DOCK3: variants seen among roughly 807,000 people sequenced by gnomAD.
The protein encoded by DOCK3 is dedicator of cytokinesis protein 3.
Under a neutral mutation model 265.6 loss-of-function variants are expected in DOCK3, and 60 were observed. The ratio of observed to expected loss-of-function variants is 0.23; its 90% confidence interval spans 0.18 to 0.28. The LOEUF is 0.28. DOCK3 is among the 10% of genes least tolerant of loss of function. DOCK3 has a pLI of 1.00. For missense variants in DOCK3, 1,981 were observed against 2,594.3 expected (o/e 0.76, Z 5.14); for synonymous variants, 881 against 938.0 (o/e 0.94, Z 1.11).
intron 3 of DOCK3, among the ~76,000 whole-genome samples, chr3:50,881,964 C>T (rs539537569): frequency 5.9e-5 from 9 of 152,200 alleles, no homozygotes; most frequent in Admixed American, 3.3e-4. Context: ...TAATACCACA[C>T]GTCTACAACC....
chr3:50,961,578 A>G (rs983098281), intron 5 of DOCK3, among the ~76,000 whole-genome samples: 3 of 152,228 alleles, frequency 2.0e-5, no homozygotes, highest in Admixed American at 1.3e-4. Context: ...TATTGGACTT[A>G]TTCCAGGAAC....
chr3:50,813,712 G>A (rs1402736006), intron 2 of DOCK3, among the ~76,000 whole-genome samples: 1 of 152,100 alleles, frequency 6.6e-6, no homozygotes, highest in Admixed American at 6.6e-5. Flanking sequence ...GGGACCATCT[G>A]TGAATCATGG....
chr3:51,141,279 C>T (rs2085054854), intron 9 of DOCK3, among the ~76,000 whole-genome samples: 1 of 136,376 alleles, frequency 7.3e-6, no homozygotes, highest in African/African-American at 2.8e-5. Flanking sequence ...ATTTTTGAAA[C>T]TCACATAATT....
At chr3:51,161,590 G>C (rs1462400509) in intron 12 of DOCK3, among the ~76,000 whole-genome samples, 2 of 152,160 alleles carry the variant, frequency 1.3e-5, no homozygotes, top group Admixed American at 6.5e-5. Flanking sequence ...CTATCCCAAA[G>C]TGAAAATCTG....
In DOCK3 at chr3:51,089,276, A is replaced by T. The variant is rs1230198120; in HGVS notation, c.583A>T (p.Thr195Ser). 6.2e-7 allele frequency: 1 copy of T among 1,609,776 alleles called. No homozygotes were observed. Among genetic ancestry groups the T allele is most frequent in the African/African-American group, 1.3e-5 (1 of 74,882 alleles). The change falls in exon 8 of 53, where the codon ACA becomes TCA. Residue 195 changes from threonine (T) to serine (S), a missense_variant. Coordinates refer to ENST00000266037, the MANE Select transcript of DOCK3 (RefSeq NM_004947.5). ...LSSRQSVQQS[T>S]SQVDTMRPRH... ...TAGCCGGCAGAGTGTACAGCAAAGCACATCCCAGGTAAGCGGCTTTCCTGG... is the reference window on the plus strand; with the variant it reads ...TAGCCGGCAGAGTGTACAGCAAAGCTCATCCCAGGTAAGCGGCTTTCCTGG...
chr3:51,214,800 T>G (rs1162053808), intron 14 of DOCK3, among the ~76,000 whole-genome samples: 3 of 152,172 alleles, frequency 2.0e-5, no homozygotes, highest in Admixed American at 2.0e-4. Flanking sequence ...ACCCATTTCA[T>G]CTAATGCCCC....
intron 5 of DOCK3, among the ~76,000 whole-genome samples, chr3:51,005,050 A>T (rs1200029569): frequency 1.1e-4 from 17 of 151,888 alleles, no homozygotes; most frequent in Admixed American, 1.1e-3. Flanking sequence ...CTTCATTTTA[A>T]GAGAAAATAC....
chr3:51,039,325 C>T (rs1212738807), intron 5 of DOCK3, among the ~76,000 whole-genome samples: 1 of 152,014 alleles, frequency 6.6e-6, no homozygotes, highest in Non-Finnish European at 1.5e-5. Context: ...TAGTTTGCCT[C>T]CAGTTTTTTG....
chr3:51,338,288 A>G (rs2084997620), intron 35 of DOCK3, 71 bp from the exon 36 acceptor site: 2 of 1,514,764 alleles, frequency 1.3e-6, no homozygotes, highest in Non-Finnish European at 1.8e-6. Flanking sequence ...TGCCCCAGTG[A>G]TAGTACAGTT....
chr3:51,369,514 G>T (rs1031508392), intron 49 of DOCK3, among the ~76,000 whole-genome samples: 10 of 152,164 alleles, frequency 6.6e-5, no homozygotes, highest in East Asian at 1.9e-4. Flanking sequence ...AAAAAGAAAT[G>T]AACAAAGCCC....
chr3:51,048,185 TAAAAA>T (rs55800035), intron 5 of DOCK3, among the ~76,000 whole-genome samples: 1 of 149,482 alleles, frequency 6.7e-6, no homozygotes, highest in African/African-American at 2.5e-5. Context: ...CCTTTCATGA[TAAAAA>T]AAAAAAACTT....
intron 22 of DOCK3, among the ~76,000 whole-genome samples, chr3:51,248,269 G>C (rs1312221655): frequency 1.3e-5 from 2 of 152,240 alleles, no homozygotes; most frequent in African/African-American, 2.4e-5. Context: ...GACAGAGTGA[G>C]ACTCCATCTT....
intron 1 of DOCK3, among the ~76,000 whole-genome samples, chr3:50,704,609 A>G (rs1228464246): frequency 6.9e-6 from 1 of 144,616 alleles, no homozygotes; most frequent in African/African-American, 2.5e-5. Flanking sequence ...GGTGAAGTGC[A>G]TTTCTTGTAG....
rs149691086 is a variant in DOCK3, at chr3:50,890,199, G to A, written c.218+118G>A. 641 of 707,072 alleles carry A rather than the reference G, an allele frequency of 9.1e-4. 4 individuals are homozygous for A. The African/African-American group carries it at 0.011, about 13-fold the overall frequency. 43.8% of individuals were successfully genotyped at this position (707,072 alleles called of 1,614,324 possible). Reference sequence around the variant, plus strand: ...ATTGATATGTTTTCCTGGCAAAAATGTACATGCTTTATCATGTAATTTTGA... The same window carrying A: ...ATTGATATGTTTTCCTGGCAAAAATATACATGCTTTATCATGTAATTTTGA... On this transcript the variant is annotated intron_variant, in intron 4 of 52. Coordinates refer to ENST00000266037, the MANE Select transcript of DOCK3 (RefSeq NM_004947.5).
intron 10 of DOCK3, among the ~76,000 whole-genome samples, chr3:51,156,980 A>G (rs1383855173): frequency 2.0e-5 from 3 of 152,158 alleles, no homozygotes; most frequent in Admixed American, 6.5e-5. Flanking sequence ...CTGGTTTTCA[A>G]TTTTCACTTG....
chr3:51,239,993 A>C (rs1486344102), intron 21 of DOCK3, among the ~76,000 whole-genome samples: 2 of 151,824 alleles, frequency 1.3e-5, no homozygotes, highest in African/African-American at 4.8e-5. Context: ...CTAGTTTAGG[A>C]ATTGGTTTGC....
At chr3:50,716,171 T>G (rs867310683) in intron 1 of DOCK3, among the ~76,000 whole-genome samples, 13 of 152,208 alleles carry the variant, frequency 8.5e-5, no homozygotes, top group Middle Eastern at 3.4e-3. Context: ...AGAATAGTGC[T>G]TTTACTACCT....
At chr3:51,320,251 A>G (rs2083616603) in intron 32 of DOCK3, among the ~76,000 whole-genome samples, 3 of 152,160 alleles carry the variant, frequency 2.0e-5, no homozygotes, top group Non-Finnish European at 2.9e-5. Context: ...AAGAGAAGCC[A>G]TGAGGGACTG....
At chr3:51,156,746 A>G (rs921386076) in intron 10 of DOCK3, among the ~76,000 whole-genome samples, 5 of 152,316 alleles carry the variant, frequency 3.3e-5, no homozygotes, top group Admixed American at 2.0e-4. Context: ...ACCATAAATT[A>G]TACTTAAGGC....
Sources: gnomAD v4.1 joint callset for allele counts (sites outside exome capture counted in the v4.1 genomes callset) on GRCh38, gnomAD v4.1.1 for gene constraint, MANE v1.5 for transcripts, NCBI Gene and HGNC (gene_info 2026-07-23, HGNC 2026-07-21) for gene names.